Variants in ALK observed in about 807,000 individuals in gnomAD.
ALK encodes ALK tyrosine kinase receptor.
In ALK, 74 loss-of-function variants were observed where a neutral mutation model predicts 163.1. The observed-to-expected ratio is 0.45, with a 90% CI of 0.38 to 0.55. ALK has a LOEUF of 0.55. Ranked by LOEUF, ALK falls within the 20% of genes least tolerant of loss-of-function variation. The pLI is 0.00. For synonymous variants in ALK, 960 were observed against 843.2 expected, an observed-to-expected ratio of 1.14 and a Z score of -2.40; for missense variants, 2,063 against 2,105.3, an observed-to-expected ratio of 0.98 and a Z score of 0.39.
intron 5 of ALK, among the ~76,000 whole-genome samples, chr2:29,371,186 C>A (rs1184167534): frequency 6.6e-6 from 1 of 152,182 alleles, no homozygotes; most frequent in Non-Finnish European, 1.5e-5. Context: ...TGTTTCCTCC[C>A]CAAACAAATC....
At chr2:29,570,591 G>A (rs111340402) in intron 3 of ALK, among the ~76,000 whole-genome samples, 4,694 of 152,314 alleles carry the variant, frequency 0.031, 251 homozygotes, top group African/African-American at 0.11. Flanking sequence ...AGCAGGCTCT[G>A]AGGCTGAGTC....
chr2:29,803,602 A>G (rs1260200739), intron 1 of ALK, among the ~76,000 whole-genome samples: 5 of 152,156 alleles, frequency 3.3e-5, no homozygotes, highest in East Asian at 1.9e-4. Context: ...CGATTGCTCT[A>G]TGTTTCATCC....
intron 2 of ALK, among the ~76,000 whole-genome samples, chr2:29,713,437 C>A (rs1044494946): frequency 3.9e-5 from 6 of 152,172 alleles, no homozygotes; most frequent in African/African-American, 9.7e-5. Context: ...GGATTCCACT[C>A]ATGGTTAGAA....
At chr2:29,463,344 A>C (rs997161768) in intron 4 of ALK, among the ~76,000 whole-genome samples, 23 of 152,184 alleles carry the variant, frequency 1.5e-4, no homozygotes, top group Non-Finnish European at 1.5e-5. Context: ...ACTGCTGTTC[A>C]CAGTAGATAT....
chr2:29,681,164 G>A (rs1285772868), intron 3 of ALK: 1 of 152,308 alleles, frequency 6.6e-6, no homozygotes, highest in South Asian at 2.1e-4. Context: ...AGGCAACCTG[G>A]TAGTCCCCTG....
intron 1 of ALK, 79 bp from the exon 2 acceptor site, chr2:29,717,776 A>C (rs1051999928): frequency 6.3e-7 from 1 of 1,597,672 alleles, no homozygotes; most frequent in Non-Finnish European, 8.6e-7. Context: ...TCAGTCAAAA[A>C]TGAAGTTTAT....
chr2:29,777,500 G>C (rs1290843716), intron 1 of ALK, among the ~76,000 whole-genome samples: 1 of 151,876 alleles, frequency 6.6e-6, no homozygotes, highest in Non-Finnish European at 1.5e-5. Flanking sequence ...AGGTACCTAG[G>C]GTCTTCTACC....
At chr2:29,541,876 C>T (rs563709190) in intron 3 of ALK, among the ~76,000 whole-genome samples, 1 of 152,284 alleles carries the variant, frequency 6.6e-6, no homozygotes, top group East Asian at 1.9e-4. Flanking sequence ...TTGAAAGCTG[C>T]TACCGTGAGA....
chr2:29,830,955 A>AAAGAAGAAG lies in ALK; in HGVS notation c.667+89029_667+89037dup, dbSNP rs1161936241. Among the ~76,000 whole-genome samples, 56 of 27,744 alleles carry AAAGAAGAAG rather than the reference A, an allele frequency of 2.0e-3. 4 individuals carry two copies. The highest frequency in any genetic ancestry group is 3.4e-3 in the East Asian group (1 of 290). 18.2% of individuals were successfully genotyped at this position (27,744 alleles called of 152,430 possible). A position where few individuals can be genotyped will look rare whatever the true frequency, so the allele number is the denominator to read the frequency against. On this transcript the variant is annotated intron_variant, in intron 1 of 28. Transcript: ENST00000389048. ...GAAGAAGAAGAAGAAAAGAAGAAGA[A>AAAGAAGAAG]AAGAAGAAGAAGAAGAAGAAGAAGA...
intron 9 of ALK, among the ~76,000 whole-genome samples, chr2:29,295,432 A>G (rs1222344256): frequency 3.3e-5 from 5 of 152,158 alleles, no homozygotes; most frequent in African/African-American, 1.2e-4. Flanking sequence ...ATGCAGCTCC[A>G]CAATCCCCAA....
chr2:29,562,697 A>C (rs752280872), intron 3 of ALK, among the ~76,000 whole-genome samples: 20 of 152,226 alleles, frequency 1.3e-4, no homozygotes, highest in Non-Finnish European at 2.9e-4. Flanking sequence ...ACTTCACAAA[A>C]TACTCATCCA....
At chr2:29,670,673 T>A (rs1215647884) in intron 3 of ALK, among the ~76,000 whole-genome samples, 1 of 152,080 alleles carries the variant, frequency 6.6e-6, no homozygotes, top group Non-Finnish European at 1.5e-5. Context: ...TTTCTATATC[T>A]TACAGGCAAT....
At chr2:29,824,309 T>C (rs1665133715) in intron 1 of ALK, among the ~76,000 whole-genome samples, 1 of 152,162 alleles carries the variant, frequency 6.6e-6, no homozygotes, top group Non-Finnish European at 1.5e-5. Context: ...AGAAGAGAAA[T>C]GTGGGGTTGG....
chr2:29,585,884 T>C (rs967889504), intron 3 of ALK, among the ~76,000 whole-genome samples: 5 of 152,102 alleles, frequency 3.3e-5, no homozygotes, highest in Admixed American at 3.3e-4. Context: ...TACATATGTA[T>C]CTTAATACGT....
intron 11 of ALK, among the ~76,000 whole-genome samples, chr2:29,255,908 CAG>C (rs954595447): frequency 4.6e-5 from 7 of 152,128 alleles, no homozygotes; most frequent in African/African-American, 1.4e-4. Context: ...TTGCTGGGGA[CAG>C]ACTCTAATTA....
At chr2:29,663,086 T>C (rs747620077) in intron 3 of ALK, among the ~76,000 whole-genome samples, 12 of 152,128 alleles carry the variant, frequency 7.9e-5, no homozygotes, top group Non-Finnish European at 1.6e-4. Flanking sequence ...CAACACGGTC[T>C]TCCCATAAGC....
intron 3 of ALK, among the ~76,000 whole-genome samples, chr2:29,550,040 A>G (rs1051156381): frequency 6.6e-6 from 1 of 152,182 alleles, no homozygotes; most frequent in African/African-American, 2.4e-5. Flanking sequence ...TCTTCCCGCT[A>G]AACTAGGACA....
At position 29,695,029 on chromosome 2, in the gene ALK, A is replaced by C; in HGVS notation, c.788-15T>G. The C allele has an allele frequency of 1.9e-6, 3 of 1,613,998 alleles. No individual in the cohort carries two copies. Among genetic ancestry groups the C allele is most frequent in the Non-Finnish European group, 2.5e-6 (3 of 1,179,970 alleles). ...GCACTCCAGACCTGCAATAATAGCC[A>C]AGGGTCAATGGAAAAAACCATTTCC... is the stretch of plus-strand genomic sequence containing the variant. On this transcript the variant is annotated splice_polypyrimidine_tract_variant and intron_variant, in intron 2 of 28. Transcript: ENST00000389048.
At chr2:29,784,949 T>C (rs1012799075) in intron 1 of ALK, among the ~76,000 whole-genome samples, 9 of 145,888 alleles carry the variant, frequency 6.2e-5, no homozygotes, top group Non-Finnish European at 1.0e-4. Flanking sequence ...CAGTATCTCC[T>C]TCCACCAGCA....
Sources: gnomAD v4.1 joint callset for allele counts (sites outside exome capture counted in the v4.1 genomes callset) on GRCh38, gnomAD v4.1.1 for gene constraint, MANE v1.5 for transcripts, NCBI Gene and HGNC (gene_info 2026-07-23, HGNC 2026-07-21) for gene names.